NKAIN3: variants seen among roughly 807,000 people sequenced by gnomAD.
NKAIN3 encodes the protein sodium/potassium transporting ATPase interacting 3.
NKAIN3 carries 25 observed loss-of-function variants against 30.2 expected under a neutral mutation model. That is an observed-to-expected ratio of 0.83 (90% CI 0.60 to 1.16). NKAIN3 has a LOEUF of 1.16. NKAIN3 is among the 50% of genes most tolerant of loss of function. The pLI is 0.00. For missense variants in NKAIN3, 225 were observed against 254.1 expected, an observed-to-expected ratio of 0.89 and a Z score of 0.78; for synonymous variants, 91 against 89.6, an observed-to-expected ratio of 1.02 and a Z score of -0.09.
intron 1 of NKAIN3, among the ~76,000 whole-genome samples, chr8:62,381,124 A>C (rs926799855): frequency 6.6e-6 from 1 of 152,196 alleles, no homozygotes; most frequent in African/African-American, 2.4e-5. Flanking sequence ...CATAAAAGTG[A>C]ATAAAGTATT....
chr8:62,303,367 C>T (rs76880132), intron 1 of NKAIN3, among the ~76,000 whole-genome samples: 2,726 of 150,424 alleles, frequency 0.018, 304 homozygotes, highest in African/African-American at 0.062. Context: ...TTTCCTATCT[C>T]ATGTATTTTT....
At chr8:62,642,492 C>T (rs948193706) in intron 3 of NKAIN3, among the ~76,000 whole-genome samples, 25 of 152,210 alleles carry the variant, frequency 1.6e-4, no homozygotes, top group Admixed American at 7.2e-4. Flanking sequence ...GCCAGGTTCT[C>T]AAAGGACAGC....
At chr8:62,518,965 C>T (rs886167766) in intron 1 of NKAIN3, among the ~76,000 whole-genome samples, 2 of 152,070 alleles carry the variant, frequency 1.3e-5, no homozygotes, top group Non-Finnish European at 2.9e-5. Flanking sequence ...TTTTAGCACT[C>T]GAATTCTAAT....
chr8:62,820,042 G>C (rs1818805233), intron 4 of NKAIN3, among the ~76,000 whole-genome samples: 1 of 152,156 alleles, frequency 6.6e-6, no homozygotes, highest in Non-Finnish European at 1.5e-5. Flanking sequence ...TGGGAACCAA[G>C]GTGGGGACAG....
chr8:62,684,922 G>A (rs552669751), intron 3 of NKAIN3, among the ~76,000 whole-genome samples: 132 of 152,064 alleles, frequency 8.7e-4, no homozygotes, highest in Non-Finnish European at 1.6e-3. Context: ...CTTGATTTTG[G>A]ACTTCTAGCC....
At chr8:62,755,310 C>A (rs1342016589) in intron 4 of NKAIN3, among the ~76,000 whole-genome samples, 2 of 152,098 alleles carry the variant, frequency 1.3e-5, no homozygotes, top group African/African-American at 4.8e-5. Flanking sequence ...CTGTCAGATC[C>A]ATAAAGCTAT....
chr8:62,763,865 T>TAAA (rs1450365644), intron 4 of NKAIN3, among the ~76,000 whole-genome samples: 1 of 151,942 alleles, frequency 6.6e-6, no homozygotes, highest in African/African-American at 2.4e-5. Flanking sequence ...AGGCTAAGAG[T>TAAA]ATTTAAGGGT....
At chr8:62,518,169 G>A (rs1808051231) in intron 1 of NKAIN3, among the ~76,000 whole-genome samples, 1 of 152,030 alleles carries the variant, frequency 6.6e-6, no homozygotes, top group Admixed American at 6.6e-5. Flanking sequence ...GAACCAGCCT[G>A]GCCAACATTG....
chr8:62,266,330 T>C lies in NKAIN3; in HGVS notation c.54+17203T>C, dbSNP rs145722017. Among the ~76,000 whole-genome samples, 165 of 152,290 alleles carry C rather than the reference T, an allele frequency of 1.1e-3. 1 individual carries two copies. The highest frequency in any genetic ancestry group is 3.8e-3 in the African/African-American group (160 of 41,580). Reference sequence around the variant, plus strand: ...CACTACTTTAGAGTGTGACATGAAATAGTTCGAGATTTATGTAACCTTGGT... The same window carrying C: ...CACTACTTTAGAGTGTGACATGAAACAGTTCGAGATTTATGTAACCTTGGT... On this transcript the variant is annotated intron_variant, in intron 1 of 6. Coordinates refer to ENST00000623646, the MANE Select transcript of NKAIN3 (RefSeq NM_001304533.3).
chr8:62,410,540 G>T (rs954779296), intron 1 of NKAIN3, among the ~76,000 whole-genome samples: 2 of 151,808 alleles, frequency 1.3e-5, no homozygotes, highest in African/African-American at 4.8e-5. Context: ...CGTAAGAATT[G>T]ATACAAAAGA....
chr8:62,588,895 C>G (rs1810563062), intron 2 of NKAIN3, among the ~76,000 whole-genome samples: 2 of 151,940 alleles, frequency 1.3e-5, no homozygotes, highest in South Asian at 4.1e-4. Flanking sequence ...TTCTGGGCCT[C>G]CATTAGTTTG....
rs994793989 is a variant in NKAIN3, at chr8:62,977,065, T to C, written c.*11658T>C. 3.3e-5 allele frequency among the ~76,000 whole-genome samples: 5 copies of C among 152,222 alleles called. No individual in the cohort carries two copies. The highest frequency in any genetic ancestry group is 2.1e-4 in the South Asian group (1 of 4,830). The stretch of plus-strand genomic sequence containing the variant: ...GCAGAGAGATCTGCTGTTAGTATGA[T>C]GGGCTTCCCTTTGTAGGTAACCCAA... On this transcript the variant is annotated 3_prime_UTR_variant, in exon 7 of 7. Coordinates refer to ENST00000623646, the MANE Select transcript of NKAIN3 (RefSeq NM_001304533.3).
At chr8:62,917,103 A>G (rs1333196059) in intron 4 of NKAIN3, among the ~76,000 whole-genome samples, 3 of 151,996 alleles carry the variant, frequency 2.0e-5, no homozygotes, top group African/African-American at 7.3e-5. Context: ...ACTCCAGAAC[A>G]GCACAGGAAG....
At chr8:62,322,552 A>G (rs188126189) in intron 1 of NKAIN3, among the ~76,000 whole-genome samples, 124 of 152,318 alleles carry the variant, frequency 8.1e-4, no homozygotes, top group Middle Eastern at 3.4e-3. Context: ...ATATAATTTA[A>G]AATCCAAAAT....
At chr8:62,730,286 T>A (rs942091561) in intron 3 of NKAIN3, among the ~76,000 whole-genome samples, 2 of 152,168 alleles carry the variant, frequency 1.3e-5, no homozygotes, top group African/African-American at 2.4e-5. Context: ...CACTAGAGCA[T>A]AAATTCTTGC....
Position 62,970,823 on chromosome 8 carries a change from C to T in NKAIN3, c.*5416C>T, listed in dbSNP as rs994224457. On this transcript the variant is annotated 3_prime_UTR_variant, in exon 7 of 7. Transcript: ENST00000623646. ...TCCATGTAAGGCATGTTTTTCCTTT[C>T]CTCTTCAGAGTTATTTAGAAACAGT... 6.6e-6 allele frequency among the ~76,000 whole-genome samples: 1 copy of T among 152,110 alleles called. No individual in the cohort carries two copies. The highest frequency in any genetic ancestry group is 2.4e-5 in the African/African-American group (1 of 41,428).
intron 4 of NKAIN3, among the ~76,000 whole-genome samples, chr8:62,915,545 C>A (rs1483010654): frequency 6.6e-6 from 1 of 152,212 alleles, no homozygotes; most frequent in African/African-American, 2.4e-5. Flanking sequence ...GCCTTCAGAA[C>A]TGTAAGATTT....
At chr8:62,375,923 G>T (rs1448122682) in intron 1 of NKAIN3, among the ~76,000 whole-genome samples, 1 of 152,088 alleles carries the variant, frequency 6.6e-6, no homozygotes, top group East Asian at 1.9e-4. Flanking sequence ...TATTATACTT[G>T]CTCTTGTTCA....
At chr8:62,292,875 A>T (rs1362191792) in intron 1 of NKAIN3, among the ~76,000 whole-genome samples, 3 of 152,138 alleles carry the variant, frequency 2.0e-5, no homozygotes, top group Admixed American at 2.0e-4. Context: ...CAGCAATCAG[A>T]CGTAGATTTG....
Sources: gnomAD v4.1 joint callset for allele counts (sites outside exome capture counted in the v4.1 genomes callset) on GRCh38, gnomAD v4.1.1 for gene constraint, MANE v1.5 for transcripts, NCBI Gene and HGNC (gene_info 2026-07-23, HGNC 2026-07-21) for gene names.